The following COL11A1 variants were observed in gnomAD, a reference collection of about 807,000 sequenced individuals.
COL11A1 encodes collagen alpha-1(XI) chain.
In COL11A1, 74 loss-of-function variants were observed where a neutral mutation model predicts 265.2. The observed-to-expected ratio is 0.28, with a 90% CI of 0.23 to 0.34. COL11A1 has a LOEUF of 0.34. Among genes scored for constraint, COL11A1 ranks in the 10% least tolerant of loss-of-function variants. The pLI, the probability that COL11A1 is intolerant of heterozygous loss-of-function variation, is 1.00. For missense variants in COL11A1, 2,165 were observed against 2,263.6 expected, an observed-to-expected ratio of 0.96 and a Z score of 0.88; for synonymous variants, 816 against 727.6, an observed-to-expected ratio of 1.12 and a Z score of -1.96.
chr1:102,906,907 A>C (rs1654047633), intron 54 of COL11A1, among the ~76,000 whole-genome samples: 1 of 152,142 alleles, frequency 6.6e-6, no homozygotes, highest in African/African-American at 2.4e-5. Context: ...TCACACCATT[A>C]AAATATATTT....
intron 4 of COL11A1, among the ~76,000 whole-genome samples, chr1:103,073,258 T>C (rs1671720382): frequency 6.6e-6 from 1 of 151,872 alleles, no homozygotes; most frequent in Non-Finnish European, 1.5e-5. Flanking sequence ...GAAATTCCAC[T>C]GATACTGTGC....
intron 3 of COL11A1, among the ~76,000 whole-genome samples, chr1:103,075,954 A>T (rs1451794923): frequency 1.3e-5 from 2 of 152,176 alleles, no homozygotes; most frequent in Non-Finnish European, 2.9e-5. Flanking sequence ...AAATTTACAC[A>T]TACTTCATGC....
At chr1:102,959,775 C>T (rs1486849623) in intron 41 of COL11A1, among the ~76,000 whole-genome samples, 4 of 152,116 alleles carry the variant, frequency 2.6e-5, no homozygotes, top group Admixed American at 6.6e-5. Flanking sequence ...ATTGTATCCC[C>T]TGGACATAGT....
intron 42 of COL11A1, among the ~76,000 whole-genome samples, chr1:102,946,070 C>T (rs963032090): frequency 1.5e-5 from 2 of 137,558 alleles, no homozygotes; most frequent in South Asian, 2.6e-4. Flanking sequence ...AGTAAACTAT[C>T]GCAAGGACAA....
In COL11A1 at chr1:103,022,469, A is replaced by G. The variant is rs542218675; in HGVS notation, c.1245+273T>C. Reference sequence around the variant, plus strand: ...CTTGCTACTTGGAATAAAAACAACTATGGTTTAATCTTATCAATGACAAAA... The same window carrying G: ...CTTGCTACTTGGAATAAAAACAACTGTGGTTTAATCTTATCAATGACAAAA... On this transcript the variant is annotated intron_variant, in intron 8 of 66. Transcript: ENST00000370096. Among the ~76,000 whole-genome samples, 4 of 152,298 alleles carry G rather than the reference A, an allele frequency of 2.6e-5. No homozygotes were observed. The East Asian group carries it at 7.7e-4, about 29-fold the overall frequency.
In COL11A1 at chr1:103,108,493, G is replaced by C; in HGVS notation, c.-315C>G. The C allele has an allele frequency of 3.4e-6, 2 of 588,674 alleles. No individual in the cohort carries two copies. Among genetic ancestry groups the C allele is most frequent in the Non-Finnish European group, 6.0e-6 (2 of 331,730 alleles). 36.5% of individuals were successfully genotyped at this position (588,674 alleles called of 1,614,324 possible). ...CTTCCACCAACAAGCTGAGAGTACT[G>C]TGTGCCCCTAAAGGCTTCATGCCGT... On this transcript the variant is annotated 5_prime_UTR_variant, in exon 1 of 67. Coordinates refer to ENST00000370096, the MANE Select transcript of COL11A1 (RefSeq NM_001854.4).
intron 3 of COL11A1, among the ~76,000 whole-genome samples, chr1:103,078,349 A>G (rs1439175320): frequency 1.3e-5 from 2 of 152,060 alleles, no homozygotes; most frequent in Non-Finnish European, 2.9e-5. Flanking sequence ...TCACTTTCTT[A>G]GTGGGATTTG....
intron 37 of COL11A1, among the ~76,000 whole-genome samples, chr1:102,965,844 G>C (rs1457613143): frequency 6.6e-6 from 1 of 152,100 alleles, no homozygotes; most frequent in Non-Finnish European, 1.5e-5. Context: ...TTTTAACCCA[G>C]TAATGTTTAT....
At chr1:103,100,699 G>A (rs1473057958) in intron 1 of COL11A1, 2 of 151,954 alleles carry the variant, frequency 1.3e-5, no homozygotes, top group East Asian at 1.9e-4. Flanking sequence ...ATAAGCCTAG[G>A]AGGCTGTATA....
chr1:102,924,818 T>C (rs1004822977), intron 46 of COL11A1, among the ~76,000 whole-genome samples: 3 of 152,186 alleles, frequency 2.0e-5, no homozygotes, highest in Admixed American at 2.0e-4. Flanking sequence ...ATGAATAATA[T>C]ATACAACAAA....
At chr1:102,905,269 T>C (rs1309826498) in intron 54 of COL11A1, among the ~76,000 whole-genome samples, 1 of 149,374 alleles carries the variant, frequency 6.7e-6, no homozygotes, top group Non-Finnish European at 1.5e-5. Flanking sequence ...ATATACCTAA[T>C]GCTAAATGAC....
chr1:103,036,660 A>G (rs1341336331), intron 4 of COL11A1, among the ~76,000 whole-genome samples: 1 of 151,990 alleles, frequency 6.6e-6, no homozygotes, highest in Non-Finnish European at 1.5e-5. Context: ...ATCGTATGAC[A>G]TGTTTTAAGA....
At chr1:103,087,384 A>C (rs982671560) in intron 1 of COL11A1, among the ~76,000 whole-genome samples, 3 of 152,206 alleles carry the variant, frequency 2.0e-5, no homozygotes, top group Admixed American at 1.3e-4. Context: ...CACCAACTTG[A>C]TTAAGCTTCC....
Position 102,878,055 on chromosome 1 carries a change from G to A in COL11A1, c.5385C>T (p.Phe1795=), listed in dbSNP as rs770392400. 2.4e-5 allele frequency: 38 copies of A among 1,613,366 alleles called. No homozygotes were observed. Among genetic ancestry groups the A allele is most frequent in the East Asian group, 1.8e-4 (8 of 44,824 alleles). The change falls in exon 67 of 67, where the codon TTC becomes TTT. Residue 1795 remains phenylalanine (F), a synonymous_variant. Coordinates refer to ENST00000370096, the MANE Select transcript of COL11A1 (RefSeq NM_001854.4). Reference sequence around the variant, plus strand: ...AACAAACAGGACCAACTTCAAATCCGAACTTCTGATTCTGATCACCAAAGT... The same window carrying A: ...AACAAACAGGACCAACTTCAAATCCAAACTTCTGATTCTGATCACCAAAGT... The part of the protein sequence containing the change: ...INDFGDQNQK[F]GFEVGPVCFL...
At chr1:103,085,090 T>C (rs1281048336) in intron 1 of COL11A1, among the ~76,000 whole-genome samples, 1 of 152,182 alleles carries the variant, frequency 6.6e-6, no homozygotes, top group African/African-American at 2.4e-5. Context: ...AAAGTGAAAA[T>C]TGTAAGGAGC....
At chr1:102,962,338 C>T in intron 39 of COL11A1, 73 bp from the exon 40 acceptor site, 1 of 1,100,236 alleles carries the variant, frequency 9.1e-7, no homozygotes, top group East Asian at 2.4e-5. Context: ...ATTGTGATTA[C>T]CTCTAAACTA....
intron 3 of COL11A1, among the ~76,000 whole-genome samples, chr1:103,078,407 C>T (rs572402409): frequency 3.3e-5 from 5 of 152,190 alleles, no homozygotes; most frequent in South Asian, 4.1e-4. Flanking sequence ...CACACCCTAA[C>T]CTCTTTACTG....
chr1:103,021,833 T>G, intron 8 of COL11A1, 64 bp from the exon 9 acceptor site: 2 of 1,113,908 alleles, frequency 1.8e-6, no homozygotes, highest in Non-Finnish European at 2.5e-6. Flanking sequence ...TTTCTTTCTT[T>G]TCTTCTTTTT....
At chr1:102,926,259 A>G (rs781075715) in intron 46 of COL11A1, among the ~76,000 whole-genome samples, 1 of 152,186 alleles carries the variant, frequency 6.6e-6, no homozygotes, top group East Asian at 1.9e-4. Context: ...CAAAGAGGTA[A>G]TTTATGCGTG....
Sources: allele counts gnomAD v4.1 joint callset (sites outside exome capture counted in the v4.1 genomes callset), GRCh38; gene constraint gnomAD v4.1.1; transcripts MANE v1.5; gene names NCBI Gene and HGNC (gene_info 2026-07-23, HGNC 2026-07-21).